IPO5: variants seen among roughly 807,000 people sequenced by gnomAD.
IPO5 encodes importin-5.
In IPO5, 18 loss-of-function variants were observed where a neutral mutation model predicts 143.3. The observed-to-expected ratio is 0.13, with a 90% CI of 0.09 to 0.19. IPO5 has a LOEUF of 0.19. IPO5 is among the 10% of genes least tolerant of loss of function. IPO5 has a pLI of 1.00. For missense variants in IPO5, 1,013 were observed against 1,336.9 expected (o/e 0.76, Z 3.78); for synonymous variants, 477 against 465.7 (o/e 1.02, Z -0.31).
At chr13:97,988,661 G>A (rs1005347682) in intron 6 of IPO5, among the ~76,000 whole-genome samples, 2 of 152,136 alleles carry the variant, frequency 1.3e-5, no homozygotes, top group Non-Finnish European at 2.9e-5. Context: ...GGTGGCAGGC[G>A]CCTGTAATCC....
intron 4 of IPO5, among the ~76,000 whole-genome samples, chr13:97,980,345 T>C (rs1026583570): frequency 6.6e-6 from 1 of 152,180 alleles, no homozygotes; most frequent in African/African-American, 2.4e-5. Context: ...ACATCATCTG[T>C]CACTCGTACT....
intron 2 of IPO5, among the ~76,000 whole-genome samples, chr13:97,959,181 A>G (rs1385186863): frequency 3.3e-5 from 5 of 151,844 alleles, no homozygotes; most frequent in Non-Finnish European, 7.4e-5. Context: ...CAAAAAAAAA[A>G]AAAGAGAGAG....
Position 98,023,438 on chromosome 13 carries a change from C to G in IPO5, c.*1616C>G, listed in dbSNP as rs1890604650. The G allele has an allele frequency of 6.6e-6, 1 of 152,128 alleles. No individual in the cohort carries two copies. The highest frequency in any genetic ancestry group is 1.5e-5 in the Non-Finnish European group (1 of 68,034). 9.4% of individuals were successfully genotyped at this position (152,128 alleles called of 1,614,324 possible). A position where few individuals can be genotyped will look rare whatever the true frequency, so the allele number is the denominator to read the frequency against. On this transcript the variant is annotated 3_prime_UTR_variant, in exon 29 of 29. Transcript: ENST00000651721. ...GCAAAGCCGATTCATGTACTGATGC[C>G]AATCAGCTAGAGCAATGTAGGCTTT...
At chr13:98,018,230 G>A (rs1421399551) in intron 25 of IPO5, among the ~76,000 whole-genome samples, 1 of 152,154 alleles carries the variant, frequency 6.6e-6, no homozygotes, top group East Asian at 1.9e-4. Context: ...TGCTTCCACT[G>A]TCAGTTCTTC....
At chr13:97,991,202 A>G (rs1887770320) in intron 9 of IPO5, among the ~76,000 whole-genome samples, 1 of 152,194 alleles carries the variant, frequency 6.6e-6, no homozygotes, top group Non-Finnish European at 1.5e-5. Flanking sequence ...AATGTAATAT[A>G]TATGCATAAT....
At chr13:98,000,752 A>G in intron 13 of IPO5, 107 bp downstream of exon 13, 1 of 730,994 alleles carries the variant, frequency 1.4e-6, no homozygotes, top group Non-Finnish European at 2.4e-6. Context: ...TCTTTTTATC[A>G]TCCATATTTA....
intron 16 of IPO5, 62 bp downstream of exon 16, chr13:98,003,099 G>A: frequency 3.2e-6 from 4 of 1,263,546 alleles, no homozygotes; most frequent in East Asian, 2.3e-5. Flanking sequence ...GATTTGATGG[G>A]TAAGAACTGG....
At chr13:98,010,824 A>T (rs1361487787) in intron 20 of IPO5, among the ~76,000 whole-genome samples, 5 of 92,834 alleles carry the variant, frequency 5.4e-5, no homozygotes, top group African/African-American at 2.7e-4. Flanking sequence ...TTTTTCACCC[A>T]GGCTGGAGTG....
At chr13:97,989,211 C>T (rs373747504) in intron 7 of IPO5, 47 bp downstream of exon 7, 1 of 986,872 alleles carries the variant, frequency 1.0e-6, no homozygotes, top group Non-Finnish European at 1.6e-6. Flanking sequence ...TTAATGAATG[C>T]CCTAAACACC....
chr13:98,005,677 C>T (rs1039448819), intron 16 of IPO5, among the ~76,000 whole-genome samples: 2 of 151,920 alleles, frequency 1.3e-5, no homozygotes, highest in African/African-American at 4.8e-5. Flanking sequence ...TTCCTTCGTG[C>T]GATCTTCTGG....
In IPO5 at chr13:98,024,011, AG is replaced by A. The variant is rs1890634985; in HGVS notation, c.*2190del. On this transcript the variant is annotated 3_prime_UTR_variant, in exon 29 of 29. Transcript: ENST00000651721. ...ACCAAATTTAGGGGTCTTGCATGTC[AG>A]CAAGTGATATATATTGTTTATAAAT... 6.6e-6 allele frequency: 1 copy of A among 152,220 alleles called. No homozygotes were observed. Among genetic ancestry groups the A allele is most frequent in the Admixed American group, 6.5e-5 (1 of 15,282 alleles). 9.4% of individuals were successfully genotyped at this position (152,220 alleles called of 1,614,324 possible).
At chr13:98,019,383 G>T (rs867252565) in intron 26 of IPO5, among the ~76,000 whole-genome samples, 198 bp from the exon 27 acceptor site, 33 of 152,288 alleles carry the variant, frequency 2.2e-4, no homozygotes, top group Middle Eastern at 6.8e-3. Context: ...TTAGTAGAGG[G>T]CTAGTGCTCC....
intron 2 of IPO5, chr13:97,963,377 T>C (rs1247013348): frequency 6.6e-6 from 1 of 151,474 alleles, no homozygotes; most frequent in African/African-American, 2.4e-5. Context: ...TATAGCTTTT[T>C]TTTTTTTTTT....
At chr13:97,967,293 T>C (rs1885425077) in intron 2 of IPO5, among the ~76,000 whole-genome samples, 1 of 152,162 alleles carries the variant, frequency 6.6e-6, no homozygotes, top group African/African-American at 2.4e-5. Context: ...TTTTTCCTGG[T>C]CAGTACAGCC....
intron 11 of IPO5, among the ~76,000 whole-genome samples, chr13:97,994,230 C>T (rs1377893963): frequency 6.6e-6 from 1 of 152,138 alleles, no homozygotes; most frequent in Non-Finnish European, 1.5e-5. Flanking sequence ...ATTGCTTGAA[C>T]CCGGGAGGTG....
chr13:97,956,110 C>T (rs1970301), intron 2 of IPO5, among the ~76,000 whole-genome samples: 76 of 144,300 alleles, frequency 5.3e-4, no homozygotes, highest in Non-Finnish European at 9.9e-4. Flanking sequence ...CCAGCCTGGG[C>T]GACAGTGCGA....
rs781044221 is a variant in IPO5, at chr13:97,985,463, T to A, written c.214T>A (p.Ser72Thr). 20 of 1,614,088 alleles carry A rather than the reference T, an allele frequency of 1.2e-5. No homozygotes were observed. The highest frequency in any genetic ancestry group is 1.7e-5 in the Non-Finnish European group (20 of 1,180,034). ...CGTTCTCCTAAGACGTCTCTTGTCC[T>A]CTGCATTTGATGAAGTCTATCCAGC... ...AAVLLRRLLS[S>T]AFDEVYPALP... is the part of the protein sequence containing the mutation. The change falls in exon 6 of 29, where the codon TCT becomes ACT. Residue 72 changes from serine to threonine, a missense_variant. Ser to Thr is a moderately conservative substitution (Grantham distance 58). This residue lies in a region of IPO5 where 328 missense variants were observed against 342.0 expected (regional missense o/e 0.96). Transcript: ENST00000651721.
chr13:97,957,220 CTG>C (rs2139463932), intron 2 of IPO5, among the ~76,000 whole-genome samples: 1 of 151,292 alleles, frequency 6.6e-6, no homozygotes, highest in South Asian at 2.1e-4. Flanking sequence ...TTTTTTGAGA[CTG>C]AGTCTCATTT....
intron 25 of IPO5, among the ~76,000 whole-genome samples, chr13:98,018,249 A>G (rs1890253728): frequency 6.6e-6 from 1 of 152,178 alleles, no homozygotes; most frequent in Non-Finnish European, 1.5e-5. Flanking sequence ...TCTGTGTGAT[A>G]GTGTCAGATT....
Sources: allele counts gnomAD v4.1 joint callset (sites outside exome capture counted in the v4.1 genomes callset), GRCh38; gene constraint gnomAD v4.1.1; regional missense constraint gnomAD v4.1.1; transcripts MANE v1.5; gene names NCBI Gene and HGNC (gene_info 2026-07-23, HGNC 2026-07-21).